STARD13: variants seen among roughly 807,000 people sequenced by gnomAD.
STARD13 encodes the protein StAR related lipid transfer domain containing 13.
STARD13 carries 62 observed loss-of-function variants against 106.4 expected under a neutral mutation model. The observed-to-expected ratio is 0.58, with a 90% CI of 0.48 to 0.72. The LOEUF (loss-of-function observed/expected upper bound fraction) is 0.72. Ranked by LOEUF, STARD13 falls within the 30% of genes least tolerant of loss-of-function variation. The pLI, the probability that STARD13 is intolerant of heterozygous loss-of-function variation, is 0.00. For synonymous variants in STARD13, 565 were observed against 553.0 expected (o/e 1.02, Z -0.31); for missense variants, 1,387 against 1,424.0 (o/e 0.97, Z 0.42).
chr13:33,374,450 A>G, the STARD13 span, among the ~76,000 whole-genome samples: 1 of 152,238 alleles, frequency 6.6e-6, no homozygotes, highest in Non-Finnish European at 1.5e-5. Flanking sequence ...CGTATATTTT[A>G]TCACAATAAA....
chr13:33,592,122 G>A, the STARD13 span, among the ~76,000 whole-genome samples: 2 of 152,102 alleles, frequency 1.3e-5, no homozygotes, highest in African/African-American at 2.4e-5. Flanking sequence ...AACGCAATTA[G>A]AATTAGTTCA....
chr13:33,587,941 T>C, the STARD13 span, among the ~76,000 whole-genome samples: 6 of 152,210 alleles, frequency 3.9e-5, no homozygotes, highest in Non-Finnish European at 8.8e-5. Context: ...ATAAAAAGTA[T>C]AATTAAAATC....
the STARD13 span, among the ~76,000 whole-genome samples, chr13:33,380,786 C>G: frequency 6.6e-6 from 1 of 152,014 alleles, no homozygotes; most frequent in Admixed American, 6.5e-5. Context: ...CAGGCTAGGC[C>G]TTTCCAACCA....
At chr13:33,461,988 A>T in the STARD13 span, among the ~76,000 whole-genome samples, 2 of 152,222 alleles carry the variant, frequency 1.3e-5, no homozygotes, top group Non-Finnish European at 2.9e-5. Flanking sequence ...TAAACATGCA[A>T]CCACAATGAA....
At chr13:33,394,412 A>G in the STARD13 span, among the ~76,000 whole-genome samples, 5 of 152,138 alleles carry the variant, frequency 3.3e-5, no homozygotes, top group East Asian at 1.9e-4. Flanking sequence ...CAATGACCCT[A>G]TGTGGCCTGT....
At chr13:33,464,043 G>GTATATATATATATATA in the STARD13 span, among the ~76,000 whole-genome samples, 1 of 112,758 alleles carries the variant, frequency 8.9e-6, no homozygotes, top group East Asian at 3.3e-4. Flanking sequence ...ATATATATAT[G>GTATATATATATATATA]TATATGTATA....
the STARD13 span, among the ~76,000 whole-genome samples, chr13:33,423,579 C>T: frequency 1.3e-5 from 2 of 152,172 alleles, no homozygotes; most frequent in Non-Finnish European, 2.9e-5. Flanking sequence ...TTTGACCCAG[C>T]GATCCCATTA....
At chr13:33,407,824 G>A in the STARD13 span, among the ~76,000 whole-genome samples, 6 of 152,312 alleles carry the variant, frequency 3.9e-5, no homozygotes, top group Middle Eastern at 3.4e-3. Flanking sequence ...TGGTGGTAGC[G>A]AGGAACCATT....
upstream of STARD13, among the ~76,000 whole-genome samples, chr13:33,288,896 A>G (rs750822223): frequency 4.6e-5 from 7 of 152,224 alleles, no homozygotes; most frequent in African/African-American, 7.2e-5. Flanking sequence ...GTTTTATGCT[A>G]AAGTATTGCC....
At chr13:33,469,577 G>A in the STARD13 span, among the ~76,000 whole-genome samples, 1 of 152,066 alleles carries the variant, frequency 6.6e-6, no homozygotes, top group Non-Finnish European at 1.5e-5. Context: ...TAGACATTGG[G>A]TACATAACTG....
At chr13:33,599,429 C>T in the STARD13 span, among the ~76,000 whole-genome samples, 1 of 152,154 alleles carries the variant, frequency 6.6e-6, no homozygotes, top group Non-Finnish European at 1.5e-5. Context: ...CTTTTCTCAG[C>T]TCTCAGTTTC....
intron 1 of STARD13, among the ~76,000 whole-genome samples, chr13:33,199,418 G>A (rs1271313701): frequency 6.6e-6 from 1 of 152,204 alleles, no homozygotes; most frequent in Non-Finnish European, 1.5e-5. Flanking sequence ...TGGAGGAGGA[G>A]AACTGTAGTG....
chr13:33,320,091 AG>A (rs1345863482), intron 1 of STARD13, among the ~76,000 whole-genome samples: 1 of 152,268 alleles, frequency 6.6e-6, no homozygotes, highest in East Asian at 1.9e-4. Flanking sequence ...ACACTCATAA[AG>A]GATGAAAACA....
chr13:33,651,090 C>G, the STARD13 span, among the ~76,000 whole-genome samples: 1 of 152,192 alleles, frequency 6.6e-6, no homozygotes, highest in Non-Finnish European at 1.5e-5. Flanking sequence ...TTGTTCATGT[C>G]CACAAACATT....
In STARD13 at chr13:33,105,539, C is replaced by T; in HGVS notation, c.*54G>A. 2.4e-6 allele frequency: 3 copies of T among 1,261,550 alleles called. No individual in the cohort carries two copies. The highest frequency in any genetic ancestry group is 2.3e-5 in the East Asian group (1 of 43,252). The allele number at this position is 1,261,550 out of a possible 1,614,324, so 78.1% of individuals were successfully genotyped here. A position where few individuals can be genotyped will look rare whatever the true frequency, so the allele number is the denominator to read the frequency against. ...TTTCTCACATGCACACTCTCTGCCA[C>T]ACTCGTCACTTTAGCTTCCTCTTCC... On this transcript the variant is annotated 3_prime_UTR_variant, in exon 14 of 14. Transcript: ENST00000336934.
At chr13:33,487,338 C>G in the STARD13 span, among the ~76,000 whole-genome samples, 3 of 152,070 alleles carry the variant, frequency 2.0e-5, no homozygotes, top group East Asian at 3.8e-4. Flanking sequence ...TCCCTGGGAT[C>G]TAGTTAGTCC....
Position 33,167,589 on chromosome 13 carries a change from C to G in STARD13, c.203G>C (p.Arg68Pro). ...AGCGTATTGCGGGAACCCGGCAGCA[C>G]GGAGCCAGTCACATGCTTCTTTTGC... ...IEAKEACDWL[R>P]AAGFPQYAQL... is the part of the protein sequence containing the mutation. The change falls in exon 2 of 14, where the codon CGT becomes CCT. Residue 68 changes from arginine (R) to proline (P), a missense_variant. Coordinates refer to ENST00000336934, the MANE Select transcript of STARD13 (RefSeq NM_178006.4). The G allele has an allele frequency of 6.2e-7, 1 of 1,614,146 alleles. No homozygotes were observed. Among genetic ancestry groups the G allele is most frequent in the Non-Finnish European group, 8.5e-7 (1 of 1,180,012 alleles).
the STARD13 span, among the ~76,000 whole-genome samples, chr13:33,673,550 C>CTTTTTTTTTTTTTTTTTTTTT: frequency 7.3e-6 from 1 of 137,180 alleles, no homozygotes. Context: ...ACTATTAACT[C>CTTTTTTTTTTTTTTTTTTTTT]TTTTTTTTTT....
chr13:33,674,587 C>G, the STARD13 span, among the ~76,000 whole-genome samples: 1 of 152,068 alleles, frequency 6.6e-6, no homozygotes, highest in African/African-American at 2.4e-5. Context: ...GGGGACTGTC[C>G]CCCAGGCATT....
Sources: gnomAD v4.1 joint callset for allele counts (sites outside exome capture counted in the v4.1 genomes callset) on GRCh38, gnomAD v4.1.1 for gene constraint, MANE v1.5 for transcripts, NCBI Gene and HGNC (gene_info 2026-07-23, HGNC 2026-07-21) for gene names.